Variants in KCNC1 observed in about 807,000 individuals in gnomAD.
KCNC1 encodes potassium voltage-gated channel subfamily C member 1.
A neutral mutation model predicts 43.4 loss-of-function variants in KCNC1; 8 were observed. The ratio of observed to expected loss-of-function variants is 0.18; its 90% confidence interval spans 0.11 to 0.33. KCNC1 has a LOEUF of 0.33. Ranked by LOEUF, KCNC1 falls within the 10% of genes least tolerant of loss-of-function variation. The pLI is 1.00. For synonymous variants in KCNC1, 361 were observed against 360.5 expected, an observed-to-expected ratio of 1.00 and a Z score of -0.01; for missense variants, 420 against 836.0, an observed-to-expected ratio of 0.50 and a Z score of 6.14.
chr11:17,739,131 G>A lies in KCNC1; in HGVS notation c.570+2559G>A, dbSNP rs1398943354. 6.6e-6 allele frequency among the ~76,000 whole-genome samples: 1 copy of A among 150,824 alleles called. No homozygotes were observed. Among genetic ancestry groups the A allele is most frequent in the Non-Finnish European group, 1.5e-5 (1 of 67,836 alleles). On this transcript the variant is annotated intron_variant, in intron 1 of 3. Coordinates refer to ENST00000265969, the MANE Select transcript of KCNC1 (RefSeq NM_001112741.2). The surrounding 1 kb of genome is among the most constrained non-coding windows in gnomAD (Gnocchi z 4.2). ...CCTCCCCCTCTGTCTTTGCTCTGCC[G>A]CCTCTGCTGTCACCTTTGTTTACCC...
chr11:17,762,641 C>A (rs1315661387), intron 1 of KCNC1, among the ~76,000 whole-genome samples: 2 of 152,138 alleles, frequency 1.3e-5, no homozygotes, highest in Non-Finnish European at 2.9e-5. Context: ...GGCAGGTGGG[C>A]CTGAGGGATG....
intron 1 of KCNC1, among the ~76,000 whole-genome samples, chr11:17,751,467 C>T (rs1384012074): frequency 4.6e-5 from 7 of 152,172 alleles, no homozygotes. Flanking sequence ...AAGCGGAAGT[C>T]CCACCTCTCA....
chr11:17,749,485 C>A (rs541787372), intron 1 of KCNC1, among the ~76,000 whole-genome samples: 6 of 152,322 alleles, frequency 3.9e-5, no homozygotes, highest in Middle Eastern at 6.8e-3. Flanking sequence ...GGTGGTGGGG[C>A]AGAAGAACAT....
intron 2 of KCNC1, chr11:17,772,831 G>T (rs1849245638): frequency 2.1e-6 from 3 of 1,404,946 alleles, no homozygotes; most frequent in Non-Finnish European, 2.8e-6. Context: ...GGTTGACGCG[G>T]TTGGTCTCGT....
At chr11:17,752,261 A>G (rs2133789003) in intron 1 of KCNC1, among the ~76,000 whole-genome samples, 1 of 152,298 alleles carries the variant, frequency 6.6e-6, no homozygotes, top group South Asian at 2.1e-4. Context: ...TGTGAGCTCC[A>G]GGCTCCCTCC....
Position 17,776,231 on chromosome 11 carries a change from C to T in KCNC1, c.1505-3225C>T. The T allele has an allele frequency of 1.0e-6, 1 of 985,420 alleles. No individual in the cohort carries two copies. The highest frequency in any genetic ancestry group is 1.2e-6 in the Non-Finnish European group (1 of 829,960). 61.0% of individuals were successfully genotyped at this position (985,420 alleles called of 1,614,324 possible). On this transcript the variant is annotated intron_variant, in intron 2 of 3. Transcript: ENST00000265969. This position sits in a 1 kb window ranked among gnomAD's most constrained non-coding sequence, Gnocchi z 4.4. ...CACTAATCATGTTTCTCTCTCTCTCCTCGTTTTGTTGCATGACTTGTGCCG... is the reference window on the plus strand; with the variant it reads ...CACTAATCATGTTTCTCTCTCTCTCTTCGTTTTGTTGCATGACTTGTGCCG...
At chr11:17,765,478 A>G (rs1306834282) in intron 1 of KCNC1, among the ~76,000 whole-genome samples, 1 of 152,236 alleles carries the variant, frequency 6.6e-6, no homozygotes. Flanking sequence ...TTCTTAAGTC[A>G]ACAGATCGTT....
chr11:17,777,349 C>T lies in KCNC1; in HGVS notation c.1505-2107C>T. 1 of 985,886 alleles carries T rather than the reference C, an allele frequency of 1.0e-6. No homozygotes were observed. Among genetic ancestry groups the T allele is most frequent in the South Asian group, 4.7e-5 (1 of 21,288 alleles). 61.1% of individuals were successfully genotyped at this position (985,886 alleles called of 1,614,324 possible). ...ACAGAGACTCAGCAAGTCCTCACTC[C>T]CCTCCCAGAAGGAGACGCTGCCTGG... On this transcript the variant is annotated intron_variant, in intron 2 of 3. Transcript: ENST00000265969. This position sits in a 1 kb window ranked among gnomAD's most constrained non-coding sequence, Gnocchi z 4.3.
intron 1 of KCNC1, among the ~76,000 whole-genome samples, chr11:17,744,709 G>A (rs1031779974): frequency 6.6e-6 from 1 of 152,158 alleles, no homozygotes; most frequent in African/African-American, 2.4e-5. Flanking sequence ...GGGCTGCTGT[G>A]GGGAAGGGCG....
rs1849229603 is a variant in KCNC1 at position 17,771,590 on chromosome 11, G to C, written c.571-75G>C. On this transcript the variant is annotated intron_variant, in intron 1 of 3. Transcript: ENST00000265969. This position sits in a 1 kb window ranked among gnomAD's most constrained non-coding sequence, Gnocchi z 4.7. ...TGGCATCTCCCCCCGCCTGGCCCTG[G>C]GACTGGACAGAGGCAACCCAGGCTT... 8 of 1,341,458 alleles carry C rather than the reference G, an allele frequency of 6.0e-6. No homozygotes were observed. The allele number at this position is 1,341,458 out of a possible 1,614,324, so 83.1% of individuals were successfully genotyped here. A position where few individuals can be genotyped will look rare whatever the true frequency, so the allele number is the denominator to read the frequency against.
Position 17,773,398 on chromosome 11 carries a change from A to T in KCNC1, c.1504+800A>T. ...GATGGAAGCGGCTGCCGAGCAAAAG[A>T]CTAGAGGGGGCCACCACCCTGGGCA... is the stretch of plus-strand genomic sequence containing the variant. On this transcript the variant is annotated intron_variant, in intron 2 of 3. Coordinates refer to ENST00000265969, the MANE Select transcript of KCNC1 (RefSeq NM_001112741.2). This position sits in a 1 kb window ranked among gnomAD's most constrained non-coding sequence, Gnocchi z 4.1. 1.0e-6 allele frequency: 1 copy of T among 985,254 alleles called. No homozygotes were observed. Among genetic ancestry groups the T allele is most frequent in the Non-Finnish European group, 1.2e-6 (1 of 829,918 alleles). 61.0% of individuals were successfully genotyped at this position (985,254 alleles called of 1,614,324 possible).
chr11:17,779,402 C>A lies in KCNC1; in HGVS notation c.1505-54C>A. 1 of 1,372,842 alleles carries A rather than the reference C, an allele frequency of 7.3e-7. No individual in the cohort carries two copies. Among genetic ancestry groups the A allele is most frequent in the East Asian group, 2.9e-5 (1 of 35,062 alleles). 85.0% of individuals were successfully genotyped at this position (1,372,842 alleles called of 1,614,324 possible). A position where few individuals can be genotyped will look rare whatever the true frequency, so the allele number is the denominator to read the frequency against. ...CCCGCTTCTGGCCTGTCCCCCCCTGCCCCCCACTAAACAGTTTTCAGTGTC... is the reference window on the plus strand; with the variant it reads ...CCCGCTTCTGGCCTGTCCCCCCCTGACCCCCACTAAACAGTTTTCAGTGTC... On this transcript the variant is annotated intron_variant, in intron 2 of 3. Coordinates refer to ENST00000265969, the MANE Select transcript of KCNC1 (RefSeq NM_001112741.2). This position sits in a 1 kb window ranked among gnomAD's most constrained non-coding sequence, Gnocchi z 7.2.
intron 1 of KCNC1, among the ~76,000 whole-genome samples, chr11:17,737,865 G>A (rs1848786951): frequency 6.6e-6 from 1 of 152,194 alleles, no homozygotes; most frequent in South Asian, 2.1e-4. Context: ...AGAGGGCTAG[G>A]GAGGGGTAGG....
At chr11:17,768,625 G>C (rs1281563453) in intron 1 of KCNC1, among the ~76,000 whole-genome samples, 2 of 146,586 alleles carry the variant, frequency 1.4e-5, no homozygotes, top group Admixed American at 1.4e-4. Flanking sequence ...GGGGGGGGGC[G>C]GTTTGGGAAT....
intron 1 of KCNC1, among the ~76,000 whole-genome samples, chr11:17,762,180 G>T (rs979333628): frequency 6.6e-6 from 1 of 152,184 alleles, no homozygotes; most frequent in African/African-American, 2.4e-5. Context: ...GCCAGGCTCA[G>T]CCTCACTCAC....
intron 1 of KCNC1, among the ~76,000 whole-genome samples, chr11:17,764,415 A>G (rs1202115983): frequency 6.6e-6 from 1 of 152,140 alleles, no homozygotes; most frequent in Admixed American, 6.5e-5. Context: ...ACACACATGA[A>G]TCACATACAG....
intron 1 of KCNC1, among the ~76,000 whole-genome samples, chr11:17,764,986 G>A (rs1331655277): frequency 2.0e-5 from 3 of 152,218 alleles, no homozygotes; most frequent in Non-Finnish European, 4.4e-5. Context: ...TTAATTAGGC[G>A]GAAAAACTGA....
Position 17,735,928 on chromosome 11 carries a change from C to T in KCNC1, c.-75C>T. The T allele has an allele frequency of 7.3e-7, 1 of 1,377,752 alleles. No individual in the cohort carries two copies. The highest frequency in any genetic ancestry group is 9.3e-7 in the Non-Finnish European group (1 of 1,073,398). 85.3% of individuals were successfully genotyped at this position (1,377,752 alleles called of 1,614,324 possible). ...GGGGGAAGAGGGCGCGCGCCCCCCT[C>T]CCCGGCGCCAACTCCCCCTGGCGGC... On this transcript the variant is annotated 5_prime_UTR_variant, in exon 1 of 4. Transcript: ENST00000265969. The surrounding 1 kb of genome is among the most constrained non-coding windows in gnomAD (Gnocchi z 6.7).
At chr11:17,756,129 T>C (rs1849019296) in intron 1 of KCNC1, among the ~76,000 whole-genome samples, 1 of 152,184 alleles carries the variant, frequency 6.6e-6, no homozygotes, top group Admixed American at 6.5e-5. Context: ...CTGCCTAGAA[T>C]GTGCTTCCTT....
Sources: allele counts gnomAD v4.1 joint callset (sites outside exome capture counted in the v4.1 genomes callset), GRCh38; gene constraint gnomAD v4.1.1; non-coding constraint Gnocchi (gnomAD v3.1); transcripts MANE v1.5; gene names NCBI Gene and HGNC (gene_info 2026-07-23, HGNC 2026-07-21).